The following SMIM36 variants were observed in gnomAD, a reference collection of about 807,000 sequenced individuals.
SMIM36 encodes small integral membrane protein 36.
At chr17:55,511,605 C>T (rs1422167531), upstream of SMIM36, among the ~76,000 whole-genome samples, 3 of 152,128 alleles carry the variant, frequency 2.0e-5, no homozygotes, top group Admixed American at 1.3e-4. Context: ...AGAGATGGCT[C>T]ATGAGTTACT....
intron 1 of SMIM36, among the ~76,000 whole-genome samples, chr17:55,500,592 C>G (rs989767174): frequency 6.6e-6 from 1 of 151,060 alleles, no homozygotes; most frequent in African/African-American, 2.4e-5. Context: ...TATTCCAACA[C>G]TCTCTTTAGA....
intron 4 of SMIM36, among the ~76,000 whole-genome samples, chr17:55,463,492 C>T (rs1300910847): frequency 6.6e-6 from 1 of 152,132 alleles, no homozygotes; most frequent in Non-Finnish European, 1.5e-5. Flanking sequence ...TTTGAGGCAG[C>T]AGAGTTATGA....
intron 1 of SMIM36, among the ~76,000 whole-genome samples, chr17:55,489,984 G>A (rs1909675202): frequency 6.6e-6 from 1 of 151,866 alleles, no homozygotes; most frequent in Non-Finnish European, 1.5e-5. Flanking sequence ...GAGTGGCTGT[G>A]ACTATAGGCG....
At chr17:55,500,424 C>T (rs1208823235) in intron 1 of SMIM36, among the ~76,000 whole-genome samples, 1 of 152,024 alleles carries the variant, frequency 6.6e-6, no homozygotes, top group East Asian at 1.9e-4. Flanking sequence ...TGCTCCTGGT[C>T]TGTAAAATTC....
the SMIM36 span, among the ~76,000 whole-genome samples, chr17:55,526,458 C>G: frequency 6.6e-6 from 1 of 152,094 alleles, no homozygotes; most frequent in Non-Finnish European, 1.5e-5. Flanking sequence ...CTCGCCCGGC[C>G]GAGAAAGACT....
chr17:55,522,949 C>G, the SMIM36 span, among the ~76,000 whole-genome samples: 3 of 152,088 alleles, frequency 2.0e-5, no homozygotes, highest in African/African-American at 7.2e-5. Flanking sequence ...ATAAGCCGTT[C>G]ACAAACACAT....
At chr17:55,467,734 C>T (rs1000215681) in intron 3 of SMIM36, among the ~76,000 whole-genome samples, 1 of 152,124 alleles carries the variant, frequency 6.6e-6, no homozygotes, top group Non-Finnish European at 1.5e-5. Context: ...GTTGAGTTTG[C>T]GATTGTCTCT....
exon 1 of SMIM36, chr17:55,511,040 C>T (rs1453702116): frequency 5.0e-6 from 2 of 398,154 alleles, no homozygotes; most frequent in Non-Finnish European, 8.8e-6. Flanking sequence ...TCCCCAGTGT[C>T]CCTTAGCCAG....
the SMIM36 span, among the ~76,000 whole-genome samples, chr17:55,525,288 ACTCTCC>A: frequency 6.6e-6 from 1 of 151,724 alleles, no homozygotes; most frequent in Non-Finnish European, 1.5e-5. Flanking sequence ...CTTTTCCTTA[ACTCTCC>A]TTCCCATTAC....
chr17:55,450,890 GCTT>G (rs1260687561), intron 4 of SMIM36, among the ~76,000 whole-genome samples: 1 of 152,054 alleles, frequency 6.6e-6, no homozygotes, highest in Non-Finnish European at 1.5e-5. Context: ...ATCCATAGTG[GCTT>G]CTTTTTTTTT....
the SMIM36 span, among the ~76,000 whole-genome samples, chr17:55,523,551 T>C: frequency 1.4e-5 from 2 of 140,848 alleles, no homozygotes; most frequent in African/African-American, 2.7e-5. Flanking sequence ...AAAAAAAACA[T>C]GTGAGGACAA....
At chr17:55,485,195 T>C (rs1004191214) in intron 1 of SMIM36, among the ~76,000 whole-genome samples, 1 of 152,198 alleles carries the variant, frequency 6.6e-6, no homozygotes, top group Non-Finnish European at 1.5e-5. Flanking sequence ...CTGGTGATAA[T>C]TTTATGGAGA....
chr17:55,502,029 G>A (rs1411530977), intron 1 of SMIM36, among the ~76,000 whole-genome samples: 4 of 151,836 alleles, frequency 2.6e-5, no homozygotes, highest in African/African-American at 4.8e-5. Flanking sequence ...CTTAAAAAAC[G>A]GCGCACCACG....
chr17:55,474,294 G>T (rs955706960), intron 3 of SMIM36, among the ~76,000 whole-genome samples: 2 of 152,146 alleles, frequency 1.3e-5, no homozygotes, highest in Admixed American at 6.5e-5. Context: ...AGCCCTTTAG[G>T]TGGCTTAGGC....
chr17:55,500,545 C>G (rs551501141), intron 1 of SMIM36, among the ~76,000 whole-genome samples: 1 of 151,604 alleles, frequency 6.6e-6, no homozygotes, highest in African/African-American at 2.4e-5. Flanking sequence ...AATCACAAAT[C>G]AAATGAACCA....
intron 1 of SMIM36, among the ~76,000 whole-genome samples, chr17:55,508,820 G>A (rs1466955635): frequency 6.6e-6 from 1 of 151,638 alleles, no homozygotes; most frequent in Non-Finnish European, 1.5e-5. Flanking sequence ...CTATTTGGGA[G>A]GCTGAGGCAG....
intron 1 of SMIM36, among the ~76,000 whole-genome samples, chr17:55,496,525 C>T (rs1433011622): frequency 6.6e-6 from 1 of 152,108 alleles, no homozygotes; most frequent in East Asian, 1.9e-4. Flanking sequence ...AAGTCAAAGT[C>T]GAAATAACTG....
intron 3 of SMIM36, among the ~76,000 whole-genome samples, chr17:55,477,741 T>C (rs1387631173): frequency 6.6e-6 from 1 of 152,118 alleles, no homozygotes; most frequent in African/African-American, 2.4e-5. Context: ...ACTTTTAAAC[T>C]TGGCATGATA....
chr17:55,467,118 C>T (rs1909253438), intron 4 of SMIM36, 27 bp downstream of exon 4: 1 of 152,154 alleles, frequency 6.6e-6, no homozygotes, highest in Non-Finnish European at 1.5e-5. Flanking sequence ...CAAATAGAAA[C>T]ACAAAGGATG....
Sources: gnomAD v4.1 joint callset for allele counts (sites outside exome capture counted in the v4.1 genomes callset) on GRCh38, gnomAD v4.1.1 for gene constraint, MANE v1.5 for transcripts, NCBI Gene and HGNC (gene_info 2026-07-23, HGNC 2026-07-21) for gene names.